Variants in CAV3 observed in about 807,000 individuals in gnomAD.
CAV3 encodes the protein caveolin 3, also known as caveolin-3.
Under a neutral mutation model 13.4 loss-of-function variants are expected in CAV3, and 10 were observed. The ratio of observed to expected loss-of-function variants is 0.75; its 90% CI spans 0.46 to 1.27. The LOEUF (loss-of-function observed/expected upper bound fraction) is 1.27, where lower values mean the gene tolerates loss of function less well. Ranked by LOEUF, CAV3 falls within the 50% of genes most tolerant of loss-of-function variation. The probability of loss-of-function intolerance (pLI) is 0.00; values close to 1 mark genes in which losing one functional copy is unlikely to be tolerated. For missense variants in CAV3, 162 were observed against 194.0 expected (o/e 0.83, Z 0.98); for synonymous variants, 90 against 79.0 (o/e 1.14, Z -0.74).
intron 1 of CAV3, among the ~76,000 whole-genome samples, chr3:8,741,548 AAAAC>A (rs1423241671): frequency 3.3e-5 from 5 of 152,278 alleles, no homozygotes; most frequent in East Asian, 1.9e-4. Flanking sequence ...TTGAAAAAAG[AAAAC>A]AAACAAACAA....
rs1488722627 is a variant in CAV3, at chr3:8,733,821, A to G, written c.-56A>G. The G allele has an allele frequency of 2.8e-6, 3 of 1,079,460 alleles. No individual in the cohort carries two copies. Among genetic ancestry groups the G allele is most frequent in the Non-Finnish European group, 4.3e-6 (3 of 699,670 alleles). 66.9% of individuals were successfully genotyped at this position (1,079,460 alleles called of 1,614,324 possible). On this transcript the variant is annotated 5_prime_UTR_variant, in exon 1 of 2. Coordinates refer to ENST00000343849, the MANE Select transcript of CAV3 (RefSeq NM_033337.3). The stretch of plus-strand genomic sequence containing the variant: ...TGGTCTCTCTGCCCCAAGTATTTTC[A>G]GCCCCAGCCGGCCACACAGCTCGGA...
chr3:8,740,788 C>A (rs1707931400), intron 1 of CAV3, among the ~76,000 whole-genome samples: 1 of 152,224 alleles, frequency 6.6e-6, no homozygotes, highest in African/African-American at 2.4e-5. Context: ...CAGATGTTCT[C>A]AACTCCAAGC....
At chr3:8,741,440 T>G (rs1707955129) in intron 1 of CAV3, among the ~76,000 whole-genome samples, 1 of 152,186 alleles carries the variant, frequency 6.6e-6, no homozygotes, top group Admixed American at 6.5e-5. Flanking sequence ...GGGAGGAAGC[T>G]GGGATCTGGC....
rs13087941 is a variant in CAV3 at position 8,745,534 on chromosome 3, T to C, written c.123T>C (p.Phe41=). 0.22 allele frequency: 358,479 copies of C among 1,612,768 alleles called. 43,715 individuals carry two copies. Among genetic ancestry groups the C allele is most frequent in the African/African-American group, 0.29 (21,696 of 74,932 alleles). ...CCTTGCCACCCCTGCAGGTGGATTT[T>C]GAAGACGTGATCGCAGAGCCTGTGG... ...NINEDIVKVD[F]EDVIAEPVGT... is the part of the protein sequence containing the mutation. Residue 41 remains phenylalanine (F), a synonymous_variant, in exon 2 of 2, where the codon TTT becomes TTC. Coordinates refer to ENST00000343849, the MANE Select transcript of CAV3 (RefSeq NM_033337.3). This position sits in a 1 kb window ranked among gnomAD's most constrained non-coding sequence, Gnocchi z 4.8.
At chr3:8,744,275 A>C (rs1708071171) in intron 1 of CAV3, among the ~76,000 whole-genome samples, 1 of 120,860 alleles carries the variant, frequency 8.3e-6, no homozygotes, top group East Asian at 2.1e-4. Context: ...GACCAGTGGA[A>C]TTTTTTTTTT....
Position 8,737,384 on chromosome 3 carries a change from G to A in CAV3, c.114+3394G>A, listed in dbSNP as rs1010053843. 3.3e-5 allele frequency among the ~76,000 whole-genome samples: 5 copies of A among 152,108 alleles called. No individual in the cohort carries two copies. The East Asian group carries it at 5.8e-4, about 18-fold the overall frequency. The stretch of plus-strand genomic sequence containing the variant: ...CCAAGTCCCTGGTGCCACCAGTCAC[G>A]GCCGTTTCACATTTAAAAAAGCCAA... On this transcript the variant is annotated intron_variant, in intron 1 of 1. Transcript: ENST00000343849.
rs1182984115 is a variant in CAV3, at chr3:8,733,933, C to A, written c.57C>A (p.Cys19Ter). The stretch of plus-strand genomic sequence containing the variant: ...CCCAGATCGTCAAGGATATCCACTG[C>A]AAGGAGATTGACCTGGTGAACCGAG... ...LEAQIVKDIH[C>*]KEIDLVNRDP... Residue 19 changes from cysteine (C) to a stop codon, truncating the protein, a stop_gained, in exon 1 of 2, where the codon TGC becomes TGA. Coordinates refer to ENST00000343849, the MANE Select transcript of CAV3 (RefSeq NM_033337.3). LOFTEE classifies it high-confidence loss of function. 1 of 1,613,556 alleles carries A rather than the reference C, an allele frequency of 6.2e-7. No individual in the cohort carries two copies. The highest frequency in any genetic ancestry group is 8.5e-7 in the Non-Finnish European group (1 of 1,179,574).
chr3:8,745,171 A>AC lies in CAV3; in HGVS notation c.115-350dup, dbSNP rs1322607355. The AC allele has an allele frequency of 1.8e-5, 5 of 281,644 alleles. No individual in the cohort carries two copies. The highest frequency in any genetic ancestry group is 2.8e-5 in the Non-Finnish European group (4 of 144,770). 17.4% of individuals were successfully genotyped at this position (281,644 alleles called of 1,614,324 possible). On this transcript the variant is annotated intron_variant, in intron 1 of 1. Transcript: ENST00000343849. This position sits in a 1 kb window ranked among gnomAD's most constrained non-coding sequence, Gnocchi z 4.8. ...TGGTTGTTGTAAAGTGTGGCACTCC[A>AC]CCCCCTGCCCAGCTCTCTCTCTTGC...
chr3:8,742,221 C>T (rs925667947), intron 1 of CAV3, among the ~76,000 whole-genome samples: 2 of 152,086 alleles, frequency 1.3e-5, no homozygotes, highest in Non-Finnish European at 2.9e-5. Context: ...GAACAGCTGC[C>T]TCCTCCAAGC....
chr3:8,740,702 A>T (rs1428034138), intron 1 of CAV3, among the ~76,000 whole-genome samples: 1 of 152,176 alleles, frequency 6.6e-6, no homozygotes, highest in Non-Finnish European at 1.5e-5. Flanking sequence ...GCTGGAGGGA[A>T]CTAGGATGGG....
chr3:8,737,933 T>C (rs1707814447), intron 1 of CAV3, among the ~76,000 whole-genome samples: 1 of 152,046 alleles, frequency 6.6e-6, no homozygotes, highest in South Asian at 2.1e-4. Context: ...TGCCTCCAAG[T>C]TATTTCCAAG....
At chr3:8,735,838 C>A (rs1268165231) in intron 1 of CAV3, among the ~76,000 whole-genome samples, 2 of 152,216 alleles carry the variant, frequency 1.3e-5, no homozygotes, top group African/African-American at 4.8e-5. Context: ...CAAGGCCCAA[C>A]TCAAATGCAA....
chr3:8,737,304 G>C (rs1157754772), intron 1 of CAV3, among the ~76,000 whole-genome samples: 2 of 152,190 alleles, frequency 1.3e-5, no homozygotes, highest in African/African-American at 4.8e-5. Context: ...TCTGGTCCAA[G>C]ACCTGACAGT....
At position 8,745,503 on chromosome 3, in the gene CAV3, G is replaced by T; in HGVS notation, c.115-23G>T. On this transcript the variant is annotated intron_variant, in intron 1 of 1. Transcript: ENST00000343849. This position sits in a 1 kb window ranked among gnomAD's most constrained non-coding sequence, Gnocchi z 4.8. Reference sequence around the variant, plus strand: ...AAGCGGGTGGCTTCTGTGAGTTGAGGCTTCCCCTTGCCACCCCTGCAGGTG... The same window carrying T: ...AAGCGGGTGGCTTCTGTGAGTTGAGTCTTCCCCTTGCCACCCCTGCAGGTG... 1 of 1,596,242 alleles carries T rather than the reference G, an allele frequency of 6.3e-7. No individual in the cohort carries two copies. The highest frequency in any genetic ancestry group is 8.6e-7 in the Non-Finnish European group (1 of 1,163,972).
At chr3:8,737,567 G>C (rs749711083) in intron 1 of CAV3, among the ~76,000 whole-genome samples, 1 of 152,142 alleles carries the variant, frequency 6.6e-6, no homozygotes, top group Non-Finnish European at 1.5e-5. Context: ...TCCAAGGCTC[G>C]GGACTGGGCC....
intron 1 of CAV3, among the ~76,000 whole-genome samples, chr3:8,739,422 A>G (rs977797678): frequency 4.6e-5 from 7 of 151,508 alleles, no homozygotes; most frequent in African/African-American, 1.7e-4. Flanking sequence ...AAACCTGACC[A>G]GGCCAACATG....
intron 1 of CAV3, among the ~76,000 whole-genome samples, chr3:8,738,320 C>T (rs1167394166): frequency 6.6e-6 from 1 of 152,206 alleles, no homozygotes; most frequent in Non-Finnish European, 1.5e-5. Flanking sequence ...AACAAACACC[C>T]ATTTGCCCCC....
chr3:8,741,817 C>T (rs939672633), intron 1 of CAV3, among the ~76,000 whole-genome samples: 10 of 152,270 alleles, frequency 6.6e-5, no homozygotes, highest in African/African-American at 2.2e-4. Context: ...CCCTGCTATC[C>T]TACACCTTCC....
chr3:8,744,999 C>G (rs1708104724), intron 1 of CAV3: 1 of 159,434 alleles, frequency 6.3e-6, no homozygotes, highest in African/African-American at 2.4e-5. Context: ...ATGATATGGT[C>G]TGGATCTGTG....
Sources: allele counts gnomAD v4.1 joint callset (sites outside exome capture counted in the v4.1 genomes callset), GRCh38; gene constraint gnomAD v4.1.1; non-coding constraint Gnocchi (gnomAD v3.1); transcripts MANE v1.5; gene names NCBI Gene and HGNC (gene_info 2026-07-23, HGNC 2026-07-21).